The following RMDN2 variants were observed in gnomAD, a reference collection of about 807,000 sequenced individuals.
RMDN2 encodes the protein regulator of microtubule dynamics protein 2.
RMDN2 carries 61 observed loss-of-function variants against 52.8 expected under a neutral mutation model. That is an observed-to-expected ratio of 1.16 (90% CI 0.94 to 1.43). The LOEUF is 1.43. RMDN2 is among the 40% of genes most tolerant of loss of function. The pLI, the probability that RMDN2 is intolerant of heterozygous loss-of-function variation, is 0.00. For synonymous variants in RMDN2, 180 were observed against 153.1 expected (o/e 1.18, Z -1.30); for missense variants, 592 against 475.3 (o/e 1.25, Z -2.28).
At chr2:38,061,666 C>CACACATATAG (rs1682058901) in intron 10 of RMDN2, among the ~76,000 whole-genome samples, 2 of 151,842 alleles carry the variant, frequency 1.3e-5, no homozygotes, top group Non-Finnish European at 2.9e-5. Flanking sequence ...CACACATATA[C>CACACATATAG]CACTTATAAT....
intron 10 of RMDN2, among the ~76,000 whole-genome samples, chr2:38,007,004 C>G (rs1677194217): frequency 6.6e-6 from 1 of 152,194 alleles, no homozygotes; most frequent in African/African-American, 2.4e-5. Flanking sequence ...TGCTGGATTA[C>G]ATTTATTGAT....
At chr2:37,989,155 A>C (rs1674426338) in intron 5 of RMDN2, among the ~76,000 whole-genome samples, 1 of 152,060 alleles carries the variant, frequency 6.6e-6, no homozygotes, top group South Asian at 2.1e-4. Flanking sequence ...TGTTGACAAT[A>C]TTTTTTCTAA....
chr2:38,026,462 T>G (rs1237056827), intron 10 of RMDN2, among the ~76,000 whole-genome samples: 1 of 152,090 alleles, frequency 6.6e-6, no homozygotes, highest in African/African-American at 2.4e-5. Context: ...ATTTTTCTCT[T>G]TTTCTATTTT....
chr2:37,999,866 G>T (rs1676080593), intron 8 of RMDN2, among the ~76,000 whole-genome samples: 1 of 152,134 alleles, frequency 6.6e-6, no homozygotes, highest in Non-Finnish European at 1.5e-5. Context: ...GTGAAGTTGA[G>T]ACCTGAGCCT....
chr2:37,943,266 G>A (rs570728712), intron 2 of RMDN2, among the ~76,000 whole-genome samples: 1 of 152,310 alleles, frequency 6.6e-6, no homozygotes, highest in African/African-American at 2.4e-5. Context: ...GGACAAAGGT[G>A]GATAAGCCTG....
At chr2:37,952,365 T>C in intron 2 of RMDN2, 1 of 629,072 alleles carries the variant, frequency 1.6e-6, no homozygotes, top group Non-Finnish European at 2.6e-6. Flanking sequence ...ATTTAATTGC[T>C]GTAGTTTTGA....
At chr2:37,966,589 A>G (rs1043454650) in intron 2 of RMDN2, among the ~76,000 whole-genome samples, 1 of 151,502 alleles carries the variant, frequency 6.6e-6, no homozygotes, top group Non-Finnish European at 1.5e-5. Context: ...TTTAGGCTCT[A>G]TTTACTTTTT....
At chr2:37,924,344 G>A, upstream of RMDN2, among the ~76,000 whole-genome samples, 1 of 152,200 alleles carries the variant, frequency 6.6e-6, no homozygotes, top group Non-Finnish European at 1.5e-5. Flanking sequence ...AATACTCAAG[G>A]TGCGGACAAT....
At chr2:38,012,494 T>C in intron 10 of RMDN2, 1 of 403,812 alleles carries the variant, frequency 2.5e-6, no homozygotes. Context: ...TCAATAGTAA[T>C]AATAAAGAGG....
At chr2:37,961,115 C>G (rs1218729238) in intron 2 of RMDN2, among the ~76,000 whole-genome samples, 1 of 152,046 alleles carries the variant, frequency 6.6e-6, no homozygotes, top group Non-Finnish European at 1.5e-5. Flanking sequence ...TCTGGCTGCC[C>G]TTAACATTTT....
At chr2:37,970,341 G>C (rs1671634438) in intron 2 of RMDN2, among the ~76,000 whole-genome samples, 1 of 152,164 alleles carries the variant, frequency 6.6e-6, no homozygotes, top group Non-Finnish European at 1.5e-5. Context: ...TGTTGCGCCA[G>C]AGAAATTGTC....
At chr2:37,961,844 T>G (rs1670285682) in intron 2 of RMDN2, among the ~76,000 whole-genome samples, 1 of 152,218 alleles carries the variant, frequency 6.6e-6, no homozygotes, top group East Asian at 1.9e-4. Context: ...ACCTTTGATC[T>G]TTGATGGTGA....
At chr2:38,064,751 A>G (rs1682199563) in intron 10 of RMDN2, among the ~76,000 whole-genome samples, 1 of 150,592 alleles carries the variant, frequency 6.6e-6, no homozygotes, top group South Asian at 2.1e-4. Flanking sequence ...GTATTGAAAA[A>G]TGAGGGTAGA....
At chr2:37,990,681 A>T (rs1486735909) in intron 6 of RMDN2, among the ~76,000 whole-genome samples, 1 of 152,166 alleles carries the variant, frequency 6.6e-6, no homozygotes, top group African/African-American at 2.4e-5. Flanking sequence ...CAAATAAAGT[A>T]AGTAATACAC....
At chr2:38,051,869 T>C (rs191325542) in intron 10 of RMDN2, among the ~76,000 whole-genome samples, 46 of 152,328 alleles carry the variant, frequency 3.0e-4, no homozygotes, top group African/African-American at 8.9e-4. Context: ...TTTTTTATGG[T>C]TGAACAGTAT....
At chr2:38,004,816 G>A (rs570937194) in intron 10 of RMDN2, among the ~76,000 whole-genome samples, 1 of 151,518 alleles carries the variant, frequency 6.6e-6, no homozygotes, top group Non-Finnish European at 1.5e-5. Flanking sequence ...TTAACATTAG[G>A]TATATATATC....
intron 10 of RMDN2, among the ~76,000 whole-genome samples, chr2:38,045,357 C>G (rs1681207900): frequency 6.6e-6 from 1 of 152,186 alleles, no homozygotes; most frequent in African/African-American, 2.4e-5. Flanking sequence ...ACACTCTTAG[C>G]ACAGGCTTAA....
chr2:37,981,336 C>A lies in RMDN2; in HGVS notation c.784C>A (p.His262Asn). Residue 262 changes from histidine to asparagine, a missense_variant, in exon 5 of 11, where the codon CAT becomes AAT. Transcript: ENST00000354545. ...TAGAGCACCCATGAATGGACATTGTCATCTGTGGTAAGTGTATAGGATTTA... is the reference window on the plus strand; with the variant it reads ...TAGAGCACCCATGAATGGACATTGTAATCTGTGGTAAGTGTATAGGATTTA... Reference protein sequence around the residue: ...INRAPMNGHCHLWYAVLCGYV... With the variant: ...INRAPMNGHCNLWYAVLCGYV... 1.9e-6 allele frequency: 3 copies of A among 1,600,628 alleles called. No individual in the cohort carries two copies. In the South Asian group the frequency reaches 3.3e-5, roughly 18 times the overall value.
chr2:38,067,006 GC>G (rs780321567), exon 11 of RMDN2: 8 of 1,613,620 alleles, frequency 5.0e-6, no homozygotes, highest in Non-Finnish European at 6.8e-6. Flanking sequence ...AAGATAAAGA[GC>G]CTTTGGTACC....
Sources: gnomAD v4.1 joint callset for allele counts (sites outside exome capture counted in the v4.1 genomes callset) on GRCh38, gnomAD v4.1.1 for gene constraint, MANE v1.5 for transcripts, NCBI Gene and HGNC (gene_info 2026-07-23, HGNC 2026-07-21) for gene names.